The following VPS39 variants were observed in gnomAD, a reference collection of about 807,000 sequenced individuals.
The protein encoded by VPS39 is VPS39 subunit of HOPS complex.
In VPS39, 70 loss-of-function variants were observed where a neutral mutation model predicts 121.0. The observed-to-expected ratio is 0.58, with a 90% CI of 0.48 to 0.71. The LOEUF (loss-of-function observed/expected upper bound fraction) is 0.71. Among genes scored for constraint, VPS39 ranks in the 30% least tolerant of loss-of-function variants. The pLI is 0.00. For synonymous variants in VPS39, 378 were observed against 398.1 expected (o/e 0.95, Z 0.60); for missense variants, 818 against 1,051.5 (o/e 0.78, Z 3.07).
intron 1 of VPS39, 109 bp from the exon 2 acceptor site, chr15:42,200,070 A>T (rs1044432555): frequency 3.9e-6 from 4 of 1,036,126 alleles, no homozygotes; most frequent in Non-Finnish European, 3.9e-6. Flanking sequence ...TGTAATCAGA[A>T]ATCAATGTGT....
chr15:42,198,126 C>T (rs1020833452), intron 2 of VPS39, among the ~76,000 whole-genome samples: 2 of 152,154 alleles, frequency 1.3e-5, no homozygotes, highest in Non-Finnish European at 2.9e-5. Context: ...CAGATTAACA[C>T]TAATATTACC....
At chr15:42,198,751 A>G (rs144958790) in intron 2 of VPS39, among the ~76,000 whole-genome samples, 191 of 152,350 alleles carry the variant, frequency 1.3e-3, no homozygotes, top group Middle Eastern at 6.8e-3. Flanking sequence ...GAACATAGCC[A>G]TACCTATTCA....
chr15:42,198,851 C>T (rs1432957089), intron 2 of VPS39, among the ~76,000 whole-genome samples: 1 of 152,118 alleles, frequency 6.6e-6, no homozygotes, highest in East Asian at 1.9e-4. Context: ...TTCTTTGGAC[C>T]TTTTCAGAAC....
Position 42,167,512 on chromosome 15 carries a change from A to C in VPS39, c.1259T>G (p.Leu420Arg). The change falls in exon 13 of 25, where the codon CTG (leucine) becomes CGG (arginine). Residue 420 changes from leucine (L) to arginine (R), a missense_variant. Coordinates refer to ENST00000318006, the MANE Select transcript of VPS39 (RefSeq NM_015289.5). ...GCTTGACTGGTGATCAGAGTCATTC[A>C]GCTTCTTTACCAATTGACTTCGTTT... ...TQKRSQLVKK[L>R]NDSDHQSSTS... 6.2e-7 allele frequency: 1 copy of C among 1,614,146 alleles called. No homozygotes were observed. Among genetic ancestry groups the C allele is most frequent in the Non-Finnish European group, 8.5e-7 (1 of 1,180,028 alleles).
At position 42,166,868 on chromosome 15, in the gene VPS39, G is replaced by C; in HGVS notation, c.1423C>G (p.His475Asp). The C allele has an allele frequency of 6.2e-7, 1 of 1,614,236 alleles. No individual in the cohort carries two copies. The highest frequency in any genetic ancestry group is 1.1e-5 in the South Asian group (1 of 91,084). Residue 475 changes from histidine to aspartate, a missense_variant, in exon 14 of 25, where the codon CAC (histidine) becomes GAC (aspartate). His to Asp is a moderately conservative substitution (Grantham distance 81). Transcript: ENST00000318006. ...TGCTCGCTCTCCTCGATGTGGCAGT[G>C]ATTGTTCTCCAGGCGTAGCAAGGGG... ...VAPLLRLENNHCHIEESEHVL... is the reference protein window; with the variant it reads ...VAPLLRLENNDCHIEESEHVL...
At position 42,199,835 on chromosome 15, in the gene VPS39, C is replaced by T. The variant is rs1323256945; in HGVS notation, c.139+61G>A. 4.0e-6 allele frequency: 6 copies of T among 1,486,658 alleles called. No homozygotes were observed. In the East Asian group the frequency reaches 7.2e-5, roughly 18 times the overall value. 92.1% of individuals were successfully genotyped at this position (1,486,658 alleles called of 1,614,324 possible). On this transcript the variant is annotated intron_variant, in intron 2 of 24. Transcript: ENST00000318006. ...TTAATGGTCCAGGAATAACTGATTT[C>T]ACAGTTGTATACTAGCTGACTATTA... is the stretch of plus-strand genomic sequence containing the variant.
At position 42,199,953 on chromosome 15, in the gene VPS39, G is replaced by GCCA; in HGVS notation, c.79_81dup (p.Trp27dup). 6.3e-7 allele frequency: 1 copy of GCCA among 1,578,634 alleles called. No homozygotes were observed. The highest frequency in any genetic ancestry group is 8.6e-7 in the Non-Finnish European group (1 of 1,168,696). On this transcript the variant is annotated inframe_insertion, in exon 2 of 25. Coordinates refer to ENST00000318006, the MANE Select transcript of VPS39 (RefSeq NM_015289.5). Reference sequence around the variant, plus strand: ...TGTCCTTGTTTGGTTCCCACAAGAAGCCATTCCTCTGGAAAAACAAAACAA... The same window carrying GCCA: ...TGTCCTTGTTTGGTTCCCACAAGAAGCCACCATTCCTCTGGAAAAACAAAACAA...
chr15:42,173,861 G>A lies in VPS39; in HGVS notation c.961-9C>T, dbSNP rs368272095. 3.5e-5 allele frequency: 57 copies of A among 1,613,604 alleles called. No individual in the cohort carries two copies. The highest frequency in any genetic ancestry group is 4.0e-5 in the African/African-American group (3 of 74,894). ...GAATCATCTTTCATTTCCTAATAAC[G>A]GAGCAGAATATGTAAGAGTTCACTC... On this transcript the variant is annotated splice_polypyrimidine_tract_variant and intron_variant, in intron 10 of 24. Coordinates refer to ENST00000318006, the MANE Select transcript of VPS39 (RefSeq NM_015289.5).
At chr15:42,168,412 G>A (rs2049286621) in intron 12 of VPS39, among the ~76,000 whole-genome samples, 1 of 152,184 alleles carries the variant, frequency 6.6e-6, no homozygotes, top group African/African-American at 2.4e-5. Flanking sequence ...GCCAGCCCCA[G>A]GAGGGTACCC....
intron 12 of VPS39, among the ~76,000 whole-genome samples, chr15:42,168,473 C>A (rs926600630): frequency 2.0e-5 from 3 of 152,138 alleles, no homozygotes; most frequent in Non-Finnish European, 4.4e-5. Flanking sequence ...CTGATCAGAC[C>A]TGCAGGGACT....
chr15:42,166,671 A>C, intron 14 of VPS39, 22 bp from the exon 15 acceptor site: 1 of 1,614,100 alleles, frequency 6.2e-7, no homozygotes. Flanking sequence ...GCCCAAGAAC[A>C]AGGTCATGAG....
intron 1 of VPS39, among the ~76,000 whole-genome samples, chr15:42,205,561 C>G (rs1271452506): frequency 6.6e-6 from 1 of 152,180 alleles, no homozygotes; most frequent in Admixed American, 6.5e-5. Flanking sequence ...GGTAAGTACA[C>G]AGAAGACAGG....
chr15:42,175,820 C>T (rs1340483027), intron 10 of VPS39, among the ~76,000 whole-genome samples: 2 of 152,054 alleles, frequency 1.3e-5, no homozygotes, highest in African/African-American at 4.8e-5. Context: ...ACAGGCCACA[C>T]TTTACACTTC....
At chr15:42,168,315 G>A (rs941581825) in intron 12 of VPS39, among the ~76,000 whole-genome samples, 9 of 152,198 alleles carry the variant, frequency 5.9e-5, no homozygotes, top group African/African-American at 1.9e-4. Context: ...ACTGGCTTTG[G>A]GAGATAGTAT....
intron 7 of VPS39, 82 bp downstream of exon 7, chr15:42,187,189 G>T: frequency 9.5e-7 from 1 of 1,050,550 alleles, no homozygotes; most frequent in Non-Finnish European, 1.4e-6. Flanking sequence ...TACTTAAAGT[G>T]GTCGCTTGAC....
intron 2 of VPS39, among the ~76,000 whole-genome samples, chr15:42,192,364 T>C (rs911847087): frequency 2.0e-5 from 3 of 152,162 alleles, no homozygotes; most frequent in Non-Finnish European, 4.4e-5. Context: ...TTGAGGGGCA[T>C]GAGGGGTAAA....
intron 12 of VPS39, among the ~76,000 whole-genome samples, chr15:42,169,151 T>C (rs1176667908): frequency 6.6e-6 from 1 of 152,228 alleles, no homozygotes; most frequent in Non-Finnish European, 1.5e-5. Flanking sequence ...TTTCTCAGTA[T>C]ATGGCTAAAT....
chr15:42,177,056 A>C (rs752599092), intron 10 of VPS39, among the ~76,000 whole-genome samples: 1 of 151,426 alleles, frequency 6.6e-6, no homozygotes, highest in Non-Finnish European at 1.5e-5. Context: ...CCAGCAACAC[A>C]GGAGGCTGAG....
At chr15:42,161,579 T>C (rs1448834280) in intron 24 of VPS39, 103 bp downstream of exon 24, 6 of 1,174,208 alleles carry the variant, frequency 5.1e-6, no homozygotes, top group Non-Finnish European at 7.7e-6. Context: ...CCAGCAGCCA[T>C]GTTCTCCTTC....
Sources: allele counts gnomAD v4.1 joint callset (sites outside exome capture counted in the v4.1 genomes callset), GRCh38; gene constraint gnomAD v4.1.1; transcripts MANE v1.5; gene names NCBI Gene and HGNC (gene_info 2026-07-23, HGNC 2026-07-21).